Variants in PTPRN2 observed in about 807,000 individuals in gnomAD.
The protein encoded by PTPRN2 is protein tyrosine phosphatase receptor type N2.
A neutral mutation model predicts 118.8 loss-of-function variants in PTPRN2; 74 were observed. That is an observed-to-expected ratio of 0.62 (90% CI 0.52 to 0.76). The LOEUF (loss-of-function observed/expected upper bound fraction) is 0.76, where lower values mean the gene tolerates loss of function less well. Among genes scored for constraint, PTPRN2 ranks in the 30% least tolerant of loss-of-function variants. The pLI is 0.00. For synonymous variants in PTPRN2, 641 were observed against 608.0 expected (o/e 1.05, Z -0.80); for missense variants, 1,481 against 1,394.4 (o/e 1.06, Z -0.99).
chr7:158,451,689 A>G (rs1818107192), intron 2 of PTPRN2, among the ~76,000 whole-genome samples: 1 of 152,166 alleles, frequency 6.6e-6, no homozygotes, highest in African/African-American at 2.4e-5. Context: ...GTTTTTTCCT[A>G]TGATAATGTT....
At chr7:158,396,508 G>A (rs117312696) in intron 2 of PTPRN2, among the ~76,000 whole-genome samples, 4,088 of 151,806 alleles carry the variant, frequency 0.027, 75 homozygotes, top group Middle Eastern at 0.051. Context: ...TGGAGGGAGC[G>A]AGCTGCTCCC....
At chr7:158,420,717 T>A (rs1815178389) in intron 2 of PTPRN2, among the ~76,000 whole-genome samples, 1 of 152,160 alleles carries the variant, frequency 6.6e-6, no homozygotes, top group Non-Finnish European at 1.5e-5. Context: ...CTCCCCATCA[T>A]CCGAGTGGGC....
Position 157,831,510 on chromosome 7 carries a change from C to T in PTPRN2, c.1788+67163G>A, listed in dbSNP as rs1487541873. 6.6e-6 allele frequency among the ~76,000 whole-genome samples: 1 copy of T among 152,184 alleles called. No homozygotes were observed. The highest frequency in any genetic ancestry group is 1.5e-5 in the Non-Finnish European group (1 of 68,028). ...CGGAGCTGCCCTCCCCATCCCTGTC[C>T]ACGGCCCCTCTCACCCTGCAGTACT... On this transcript the variant is annotated intron_variant, in intron 12 of 22. Transcript: ENST00000389418. This position sits in a 1 kb window ranked among gnomAD's most constrained non-coding sequence, Gnocchi z 4.8.
At chr7:158,094,700 T>G (rs886624357) in intron 10 of PTPRN2, among the ~76,000 whole-genome samples, 1 of 152,180 alleles carries the variant, frequency 6.6e-6, no homozygotes, top group African/African-American at 2.4e-5. Context: ...TGACTAACAT[T>G]TAGAAGTAGA....
At chr7:158,277,350 G>A (rs773951278) in intron 3 of PTPRN2, among the ~76,000 whole-genome samples, 13 of 152,172 alleles carry the variant, frequency 8.5e-5, no homozygotes, top group Admixed American at 7.9e-4. Flanking sequence ...GCCACTCCAC[G>A]GGCACCAATG....
intron 6 of PTPRN2, among the ~76,000 whole-genome samples, chr7:158,151,800 G>T (rs1458283611): frequency 6.6e-6 from 1 of 152,084 alleles, no homozygotes; most frequent in Non-Finnish European, 1.5e-5. Context: ...ACCTTTGAAG[G>T]CGCAGAGATA....
chr7:157,687,058 A>T (rs1797232344), intron 12 of PTPRN2, among the ~76,000 whole-genome samples: 1 of 152,188 alleles, frequency 6.6e-6, no homozygotes, highest in Non-Finnish European at 1.5e-5. Flanking sequence ...AAATAAGTGT[A>T]TGACCACAGA....
At chr7:158,392,268 C>T (rs769266133) in intron 2 of PTPRN2, among the ~76,000 whole-genome samples, 2 of 152,188 alleles carry the variant, frequency 1.3e-5, no homozygotes, top group African/African-American at 4.8e-5. Flanking sequence ...GGGACCACCC[C>T]AGCACTGGAC....
intron 10 of PTPRN2, among the ~76,000 whole-genome samples, chr7:158,096,723 A>G (rs1052815850): frequency 1.3e-5 from 2 of 152,234 alleles, no homozygotes; most frequent in Non-Finnish European, 2.9e-5. Flanking sequence ...GGAGAGTTAC[A>G]TAACATGAGG....
At chr7:157,605,352 T>C (rs1010731365) in intron 15 of PTPRN2, among the ~76,000 whole-genome samples, 2 of 152,194 alleles carry the variant, frequency 1.3e-5, no homozygotes, top group Non-Finnish European at 2.9e-5. Context: ...CCTGGAAGTT[T>C]GGAGATACCA....
chr7:158,466,421 CT>C (rs952655640), intron 2 of PTPRN2, among the ~76,000 whole-genome samples: 1 of 152,106 alleles, frequency 6.6e-6, no homozygotes, highest in African/African-American at 2.4e-5. Flanking sequence ...CAGTATCTGC[CT>C]TTCTGTGCCT....
At chr7:157,742,008 C>T (rs185944539) in intron 12 of PTPRN2, among the ~76,000 whole-genome samples, 9 of 152,300 alleles carry the variant, frequency 5.9e-5, no homozygotes, top group Non-Finnish European at 8.8e-5. Context: ...ATCTGACCAG[C>T]GCTCTTTCTG....
rs1796573207 is a variant in PTPRN2, at chr7:157,674,593, C to T, written c.2001+8132G>A. Among the ~76,000 whole-genome samples the T allele has an allele frequency of 6.6e-6, 1 of 152,218 alleles. No homozygotes were observed. Among genetic ancestry groups the T allele is most frequent in the Non-Finnish European group, 1.5e-5 (1 of 68,026 alleles). On this transcript the variant is annotated intron_variant, in intron 13 of 22. Coordinates refer to ENST00000389418, the MANE Select transcript of PTPRN2 (RefSeq NM_002847.5). The surrounding 1 kb of genome is among the most constrained non-coding windows in gnomAD (Gnocchi z 4.5). The stretch of plus-strand genomic sequence containing the variant: ...GCTGGGCTTTGCCATTTTTGACAGG[C>T]TAATGCATTTCACCACAGATAATGC...
intron 11 of PTPRN2, among the ~76,000 whole-genome samples, chr7:158,044,817 G>C (rs544223030): frequency 1.3e-5 from 2 of 152,118 alleles, no homozygotes; most frequent in African/African-American, 2.4e-5. Context: ...GTGCCAGTTC[G>C]GCGATGACTA....
At chr7:158,282,676 G>C (rs11765647) in intron 3 of PTPRN2, among the ~76,000 whole-genome samples, 38,775 of 143,300 alleles carry the variant, frequency 0.27, 5,289 homozygotes, top group East Asian at 0.42. Flanking sequence ...CGTCCCTCCT[G>C]GTGCTCCACA....
chr7:158,479,413 G>A (rs1820502865), intron 2 of PTPRN2, among the ~76,000 whole-genome samples: 1 of 152,156 alleles, frequency 6.6e-6, no homozygotes, highest in Non-Finnish European at 1.5e-5. Flanking sequence ...AGGAAGCAGA[G>A]TGAACGCTTC....
chr7:158,111,666 T>A (rs1816285748), intron 9 of PTPRN2, among the ~76,000 whole-genome samples: 1 of 152,190 alleles, frequency 6.6e-6, no homozygotes, highest in African/African-American at 2.4e-5. Flanking sequence ...CCTCATCCAG[T>A]GAGCGTGCAG....
chr7:157,654,244 C>T (rs1410978351), intron 14 of PTPRN2, among the ~76,000 whole-genome samples: 8 of 128,694 alleles, frequency 6.2e-5, no homozygotes, highest in Non-Finnish European at 1.3e-4. Context: ...CGACTCCGCA[C>T]GATGCCCACC....
chr7:158,442,006 AGTG>A (rs1213462248), intron 2 of PTPRN2, among the ~76,000 whole-genome samples: 2 of 140,872 alleles, frequency 1.4e-5, no homozygotes, highest in Non-Finnish European at 3.1e-5. Flanking sequence ...TGGTCATGGC[AGTG>A]GTGGTGATAG....
Sources: gnomAD v4.1 joint callset for allele counts (sites outside exome capture counted in the v4.1 genomes callset) on GRCh38, gnomAD v4.1.1 for gene constraint, Gnocchi (gnomAD v3.1) non-coding constraint, MANE v1.5 for transcripts, NCBI Gene and HGNC (gene_info 2026-07-23, HGNC 2026-07-21) for gene names.